The following RASGRF2 variants were observed in gnomAD, a reference collection of about 807,000 sequenced individuals.
RASGRF2 encodes Ras protein specific guanine nucleotide releasing factor 2, also known as ras-specific guanine nucleotide-releasing factor 2.
RASGRF2 carries 76 observed loss-of-function variants against 151.0 expected under a neutral mutation model. That is an observed-to-expected ratio of 0.50 (90% CI 0.42 to 0.61). The LOEUF (loss-of-function observed/expected upper bound fraction) is 0.61. Among genes scored for constraint, RASGRF2 ranks in the 20% least tolerant of loss-of-function variants. The pLI, the probability that RASGRF2 is intolerant of heterozygous loss-of-function variation, is 0.00. For missense variants in RASGRF2, 1,148 were observed against 1,564.6 expected (o/e 0.73, Z 4.49); for synonymous variants, 504 against 566.5 (o/e 0.89, Z 1.57).
At chr5:81,094,751 C>T (rs1029578904) in intron 11 of RASGRF2, 105 bp from the exon 12 acceptor site, 5 of 1,267,668 alleles carry the variant, frequency 3.9e-6, no homozygotes, top group Admixed American at 2.1e-5. Context: ...ATGAGAGTCC[C>T]GATTTGAGTG....
chr5:81,075,395 C>T (rs1018128180), intron 5 of RASGRF2, among the ~76,000 whole-genome samples: 3 of 152,168 alleles, frequency 2.0e-5, no homozygotes, highest in South Asian at 2.1e-4. Flanking sequence ...AAGTTTTATA[C>T]GGTCGTGCAA....
At chr5:81,158,968 G>A (rs1754321675) in intron 17 of RASGRF2, among the ~76,000 whole-genome samples, 1 of 152,154 alleles carries the variant, frequency 6.6e-6, no homozygotes, top group South Asian at 2.1e-4. Flanking sequence ...GAACCCATAT[G>A]TTCCTACAAA....
At chr5:81,011,229 A>G (rs567152) in intron 1 of RASGRF2, among the ~76,000 whole-genome samples, 1,379 of 116,286 alleles carry the variant, frequency 0.012, 9 homozygotes, top group Non-Finnish European at 0.017. Flanking sequence ...CTAGCTTACT[A>G]TTTTTTTTTA....
chr5:81,079,618 C>A (rs931868109), intron 5 of RASGRF2, among the ~76,000 whole-genome samples: 2 of 152,132 alleles, frequency 1.3e-5, no homozygotes, highest in African/African-American at 4.8e-5. Flanking sequence ...GTAGGCTTCA[C>A]TCTTTTCAGA....
At chr5:81,025,993 C>T (rs1750009285) in intron 1 of RASGRF2, among the ~76,000 whole-genome samples, 2 of 142,964 alleles carry the variant, frequency 1.4e-5, no homozygotes, top group African/African-American at 5.2e-5. Context: ...CTCCCTCCCT[C>T]CCTTCCTTCC....
At chr5:80,969,527 C>A (rs1747843310) in intron 1 of RASGRF2, among the ~76,000 whole-genome samples, 1 of 151,504 alleles carries the variant, frequency 6.6e-6, no homozygotes, top group Non-Finnish European at 1.5e-5. Flanking sequence ...TGGCTCACTG[C>A]AAGCTCCGCC....
At chr5:81,113,210 G>A (rs188915327) in intron 14 of RASGRF2, among the ~76,000 whole-genome samples, 3 of 151,872 alleles carry the variant, frequency 2.0e-5, no homozygotes, top group East Asian at 3.9e-4. Context: ...CGTGTGGTGT[G>A]GGGAGGGTGT....
At chr5:81,159,135 A>T (rs1754324667) in intron 17 of RASGRF2, among the ~76,000 whole-genome samples, 1 of 152,262 alleles carries the variant, frequency 6.6e-6, no homozygotes, top group Non-Finnish European at 1.5e-5. Context: ...ATCATGCTAT[A>T]TATTAAATGT....
At chr5:81,189,165 C>T (rs1209779145) in intron 18 of RASGRF2, among the ~76,000 whole-genome samples, 1 of 152,198 alleles carries the variant, frequency 6.6e-6, no homozygotes. Flanking sequence ...CCCAGGCCAC[C>T]TGCCTGCAGG....
intron 1 of RASGRF2, among the ~76,000 whole-genome samples, chr5:80,961,916 CT>C (rs1205176095): frequency 6.6e-6 from 1 of 152,152 alleles, no homozygotes; most frequent in East Asian, 1.9e-4. Context: ...TTTTATGCCC[CT>C]AATGTTCTCA....
intron 2 of RASGRF2, among the ~76,000 whole-genome samples, chr5:81,067,158 T>C (rs757295740): frequency 1.3e-5 from 2 of 152,180 alleles, no homozygotes; most frequent in Non-Finnish European, 2.9e-5. Flanking sequence ...ACATATCTCC[T>C]GGGGTTGCTG....
intron 2 of RASGRF2, among the ~76,000 whole-genome samples, chr5:81,047,976 C>T (rs1750891380): frequency 6.6e-6 from 1 of 152,116 alleles, no homozygotes; most frequent in African/African-American, 2.4e-5. Context: ...TAATTTGCAG[C>T]AAGGTATATA....
At chr5:81,001,404 A>G (rs969520718) in intron 1 of RASGRF2, among the ~76,000 whole-genome samples, 1 of 152,044 alleles carries the variant, frequency 6.6e-6, no homozygotes, top group Non-Finnish European at 1.5e-5. Context: ...CTTCAGGTGC[A>G]CTATTTGGTA....
chr5:80,969,771 A>G (rs1316443219), intron 1 of RASGRF2, among the ~76,000 whole-genome samples: 1 of 148,578 alleles, frequency 6.7e-6, no homozygotes, highest in Non-Finnish European at 1.5e-5. Flanking sequence ...ATTTAGAATC[A>G]AGGATAAGAG....
chr5:81,124,741 A>G (rs187580038), intron 16 of RASGRF2, among the ~76,000 whole-genome samples: 7 of 152,334 alleles, frequency 4.6e-5, no homozygotes, highest in Non-Finnish European at 8.8e-5. Flanking sequence ...ATTATCTCCC[A>G]TTTTCCCCAC....
Position 81,115,877 on chromosome 5 carries a change from A to AT in RASGRF2, c.2470+1957_2470+1958insT, listed in dbSNP as rs1753137290. Among the ~76,000 whole-genome samples, 6 of 152,260 alleles carry AT rather than the reference A, an allele frequency of 3.9e-5. No individual in the cohort carries two copies. The South Asian group carries it at 1.2e-3, about 32-fold the overall frequency. On this transcript the variant is annotated intron_variant, in intron 15 of 26. Coordinates refer to ENST00000265080, the MANE Select transcript of RASGRF2 (RefSeq NM_006909.3). ...ACATAACTATATGGGCAAGTGGTAT[A>AT]AGAGGTGTAGATAGAGTGCTCTGGA...
Position 80,960,460 on chromosome 5 carries a change from G to A in RASGRF2, c.-279G>A, listed in dbSNP as rs866362349. Among the ~76,000 whole-genome samples the A allele has an allele frequency of 6.0e-5, 9 of 149,214 alleles. No individual in the cohort carries two copies. Among genetic ancestry groups the A allele is most frequent in the African/African-American group, 1.7e-4 (7 of 41,018 alleles). On this transcript the variant is annotated 5_prime_UTR_variant, in exon 1 of 27. Transcript: ENST00000265080. This position sits in a 1 kb window ranked among gnomAD's most constrained non-coding sequence, Gnocchi z 5.5. ...GGCTCGGGCGCCCTCGCGGGGCCGC[G>A]CTCCACGCGGGCGTTGGGGGCTTGG...
intron 1 of RASGRF2, among the ~76,000 whole-genome samples, chr5:81,024,341 C>A (rs1749940788): frequency 7.0e-6 from 1 of 143,090 alleles, no homozygotes. Flanking sequence ...CTCACTGCAA[C>A]CTCCGTCTCC....
intron 1 of RASGRF2, among the ~76,000 whole-genome samples, chr5:81,003,244 A>C (rs1169325574): frequency 8.8e-6 from 1 of 113,776 alleles, no homozygotes; most frequent in African/African-American, 3.4e-5. Context: ...TTTTTTTGAG[A>C]CGGAGTCTCA....
Sources: allele counts gnomAD v4.1 joint callset (sites outside exome capture counted in the v4.1 genomes callset), GRCh38; gene constraint gnomAD v4.1.1; non-coding constraint Gnocchi (gnomAD v3.1); transcripts MANE v1.5; gene names NCBI Gene and HGNC (gene_info 2026-07-23, HGNC 2026-07-21).